RGS22: variants seen among roughly 807,000 people sequenced by gnomAD.
RGS22 encodes the protein regulator of G-protein signaling 22.
Under a neutral mutation model 172.9 loss-of-function variants are expected in RGS22, and 148 were observed. The observed-to-expected ratio is 0.86, with a 90% CI of 0.75 to 0.98. The LOEUF (loss-of-function observed/expected upper bound fraction) is 0.98. Among genes scored for constraint, RGS22 ranks in the 50% least tolerant of loss-of-function variants. The pLI is 0.00. For synonymous variants in RGS22, 458 were observed against 480.2 expected, an observed-to-expected ratio of 0.95 and a Z score of 0.60; for missense variants, 1,347 against 1,440.8, an observed-to-expected ratio of 0.93 and a Z score of 1.05.
chr8:99,977,184 A>G (rs1588888906), intron 23 of RGS22, among the ~76,000 whole-genome samples: 1 of 151,716 alleles, frequency 6.6e-6, no homozygotes, highest in Admixed American at 6.6e-5. Context: ...GCTCACTGCA[A>G]CCTCTTCCTC....
Position 100,052,830 on chromosome 8 carries a change from G to A in RGS22, c.1661C>T (p.Ser554Phe), listed in dbSNP as rs531358763. The A allele has an allele frequency of 8.1e-6, 13 of 1,614,100 alleles. No homozygotes were observed. In the South Asian group the frequency reaches 1.3e-4, roughly 16 times the overall value. ...MATLLPLRPK[S>F]CIPQIPEIQK... is the part of the protein sequence containing the mutation. ...GATCTCAGGTATCTGTGGAATGCAA[G>A]ATTTGGGTCTTAATGGCAAGAGGGT... The change falls in exon 10 of 28, where the codon TCT becomes TTT. Residue 554 changes from serine (S) to phenylalanine (F), a missense_variant. Physicochemically the swap from Ser to Phe is radical, Grantham distance 155. Transcript: ENST00000360863.
chr8:100,036,674 C>T (rs1300625105), intron 14 of RGS22, among the ~76,000 whole-genome samples: 1 of 152,160 alleles, frequency 6.6e-6, no homozygotes, highest in Non-Finnish European at 1.5e-5. Context: ...TCATAGCTTA[C>T]TGCAGCCTTG....
intron 1 of RGS22, chr8:100,105,637 T>C (rs1272887779): frequency 3.4e-6 from 2 of 586,314 alleles, no homozygotes; most frequent in Non-Finnish European, 6.0e-6. Context: ...GACCCAGGAG[T>C]TACCCTTCTT....
intron 22 of RGS22, among the ~76,000 whole-genome samples, chr8:99,978,351 A>G (rs1411551495): frequency 6.6e-6 from 1 of 152,220 alleles, no homozygotes; most frequent in African/African-American, 2.4e-5. Context: ...GATTGTATTA[A>G]TAAAGAATCC....
chr8:100,087,219 G>A (rs537001311), intron 3 of RGS22, among the ~76,000 whole-genome samples: 49 of 152,284 alleles, frequency 3.2e-4, no homozygotes, highest in Non-Finnish European at 5.3e-4. Flanking sequence ...TAAGTTGGCT[G>A]ATTTAGAGAA....
intron 3 of RGS22, among the ~76,000 whole-genome samples, chr8:100,088,402 AAC>A (rs1459672154): frequency 7.2e-5 from 11 of 152,106 alleles, no homozygotes; most frequent in Admixed American, 7.2e-4. Flanking sequence ...TCAATCCCAC[AAC>A]AGTCACTAAG....
chr8:100,062,772 CAT>C lies in RGS22; in HGVS notation c.1353-22_1353-21del. On this transcript the variant is annotated intron_variant, in intron 8 of 27. Coordinates refer to ENST00000360863, the MANE Select transcript of RGS22 (RefSeq NM_015668.5). ...AGATGTCTGAAATAAAACACATTTCCATATATACACACACACATTGGTAGAAT... is the reference window on the plus strand; with the variant it reads ...AGATGTCTGAAATAAAACACATTTCCATATACACACACACATTGGTAGAAT... 1.9e-6 allele frequency: 3 copies of C among 1,566,756 alleles called. No homozygotes were observed. The highest frequency in any genetic ancestry group is 2.6e-6 in the Non-Finnish European group (3 of 1,147,108).
intron 3 of RGS22, chr8:100,092,032 A>G (rs1812620557): frequency 6.7e-6 from 1 of 149,982 alleles, no homozygotes; most frequent in Non-Finnish European, 1.5e-5. Context: ...GAAAAATAAA[A>G]TCACAAAACA....
At position 100,071,471 on chromosome 8, in the gene RGS22, A is replaced by C; in HGVS notation, c.492T>G (p.Asn164Lys). The C allele has an allele frequency of 6.2e-7, 1 of 1,613,124 alleles. No homozygotes were observed. Reference protein sequence around the residue: ...KSGMNFTVGSNFSPWIVKKPP... With the variant: ...KSGMNFTVGSKFSPWIVKKPP... The stretch of plus-strand genomic sequence containing the variant: ...GTTTTTTCACGATCCAGGGAGAAAA[A>C]TTTGATCCTACTGTGAAATTCATGC... The change falls in exon 6 of 28, where the codon AAT (asparagine) becomes AAG (lysine). Residue 164 changes from asparagine (N) to lysine (K), a missense_variant. Coordinates refer to ENST00000360863, the MANE Select transcript of RGS22 (RefSeq NM_015668.5).
intron 14 of RGS22, among the ~76,000 whole-genome samples, chr8:100,030,080 A>G (rs1818628224): frequency 6.6e-6 from 1 of 152,226 alleles, no homozygotes; most frequent in African/African-American, 2.4e-5. Context: ...CATGAAATAT[A>G]CAGTCATGTG....
intron 17 of RGS22, among the ~76,000 whole-genome samples, chr8:100,003,380 A>ATCCT (rs1390504836): frequency 1.3e-5 from 2 of 151,916 alleles, no homozygotes; most frequent in Non-Finnish European, 2.9e-5. Flanking sequence ...ATATACAGTG[A>ATCCT]AATTTGGCTC....
chr8:100,022,197 T>C (rs1817663668), intron 14 of RGS22, among the ~76,000 whole-genome samples: 1 of 152,166 alleles, frequency 6.6e-6, no homozygotes, highest in African/African-American at 2.4e-5. Flanking sequence ...AACGTCTTGA[T>C]ACCAAGAGGC....
In RGS22 at chr8:99,975,919, G is replaced by A. The variant is rs1228393170; in HGVS notation, c.3519+1998C>T. The stretch of plus-strand genomic sequence containing the variant: ...AAAAGAATGAACATGGCCAGGTGCC[G>A]TGGCTCAAACCTGTAATCCAAGCAC... On this transcript the variant is annotated intron_variant, in intron 23 of 27. Transcript: ENST00000360863. 5.9e-5 allele frequency among the ~76,000 whole-genome samples: 9 copies of A among 152,126 alleles called. No homozygotes were observed. In the East Asian group the frequency reaches 1.2e-3, roughly 20 times the overall value.
intron 10 of RGS22, among the ~76,000 whole-genome samples, chr8:100,052,158 TAA>T (rs1563673095): frequency 2.9e-5 from 1 of 34,650 alleles, no homozygotes; most frequent in Non-Finnish European, 5.7e-5. Flanking sequence ...AATATATATA[TAA>T]ATATATAAAC....
intron 7 of RGS22, among the ~76,000 whole-genome samples, chr8:100,065,179 G>C (rs1810452391): frequency 6.6e-6 from 1 of 152,074 alleles, no homozygotes; most frequent in African/African-American, 2.4e-5. Context: ...AATTTTTATT[G>C]CAAGTAAATT....
intron 10 of RGS22, among the ~76,000 whole-genome samples, chr8:100,049,845 G>A (rs947499363): frequency 2.0e-5 from 3 of 151,978 alleles, no homozygotes; most frequent in African/African-American, 7.3e-5. Flanking sequence ...TCAGGAGTTC[G>A]AGACCAGCCT....
intron 2 of RGS22, among the ~76,000 whole-genome samples, chr8:100,096,175 G>C (rs908540976): frequency 2.0e-5 from 3 of 152,142 alleles, no homozygotes; most frequent in African/African-American, 4.8e-5. Flanking sequence ...CACTCTCAAA[G>C]AGTTTCCACA....
rs756878920 is a variant in RGS22, at chr8:99,999,284, A to G, written c.2927T>C (p.Phe976Ser). ...WLPLFLASEQ[F>S]AARQKIKVQM... ...TACCTTTATCTTCTGACGTGCTGCA[A>G]ACTGTTCACTTGCAAGAAACAATGG... Residue 976 changes from phenylalanine (F) to serine (S), a missense_variant, in exon 19 of 28, where the codon TTT (phenylalanine) becomes TCT (serine). Coordinates refer to ENST00000360863, the MANE Select transcript of RGS22 (RefSeq NM_015668.5). The G allele has an allele frequency of 1.2e-6, 2 of 1,613,908 alleles. No individual in the cohort carries two copies. The highest frequency in any genetic ancestry group is 8.5e-7 in the Non-Finnish European group (1 of 1,179,922).
At chr8:99,984,323 T>C (rs1812846704) in intron 21 of RGS22, among the ~76,000 whole-genome samples, 1 of 152,164 alleles carries the variant, frequency 6.6e-6, no homozygotes, top group Non-Finnish European at 1.5e-5. Context: ...TATTTTATAT[T>C]ATTCAATTAG....
Sources: allele counts gnomAD v4.1 joint callset (sites outside exome capture counted in the v4.1 genomes callset), GRCh38; gene constraint gnomAD v4.1.1; transcripts MANE v1.5; gene names NCBI Gene and HGNC (gene_info 2026-07-23, HGNC 2026-07-21).